Variants in NCOA6 observed in about 807,000 individuals in gnomAD.
NCOA6 encodes NRC RAP250.
Under a neutral mutation model 171.4 loss-of-function variants are expected in NCOA6, and 49 were observed. The observed-to-expected ratio is 0.29, with a 90% CI of 0.23 to 0.36. NCOA6 has a LOEUF of 0.36. NCOA6 is among the 10% of genes least tolerant of loss of function. NCOA6 has a pLI of 1.00. For missense variants in NCOA6, 2,248 were observed against 2,554.5 expected, an observed-to-expected ratio of 0.88 and a Z score of 2.59; for synonymous variants, 910 against 927.5, an observed-to-expected ratio of 0.98 and a Z score of 0.34.
At position 34,750,093 on chromosome 20, in the gene NCOA6, G is replaced by A. The variant is rs1343845151; in HGVS notation, c.2102C>T (p.Pro701Leu). 6.2e-7 allele frequency: 1 copy of A among 1,614,016 alleles called. No individual in the cohort carries two copies. Among genetic ancestry groups the A allele is most frequent in the African/African-American group, 1.3e-5 (1 of 74,908 alleles). Residue 701 changes from proline (P) to leucine (L), a missense_variant, in exon 9 of 15, where the codon CCT becomes CTT. Physicochemically the swap from Pro to Leu is moderately conservative, Grantham distance 98. This residue lies in a region of NCOA6 where 987 missense variants were observed against 1,104.7 expected (regional missense o/e 0.89). Coordinates refer to ENST00000359003, the MANE Select transcript of NCOA6 (RefSeq NM_014071.5). The part of the protein sequence containing the change: ...MMAPHNQMMG[P>L]QGQVLLQQNP... ...CTGTTGGAGCAAAACCTGCCCCTGA[G>A]GCCCCATCATCTGGTTATGTGGCGC...
At chr20:34,804,976 C>T (rs1295815838) in intron 1 of NCOA6, among the ~76,000 whole-genome samples, 1 of 151,806 alleles carries the variant, frequency 6.6e-6, no homozygotes, top group East Asian at 1.9e-4. Context: ...TAACCAGTCT[C>T]TTTTTATCCT....
intron 13 of NCOA6, among the ~76,000 whole-genome samples, chr20:34,731,019 T>TTTTTC (rs972527106): frequency 6.0e-5 from 9 of 149,286 alleles, no homozygotes; most frequent in African/African-American, 7.5e-5. Flanking sequence ...TCTAGACTCT[T>TTTTTC]TTTTCTTTTC....
At chr20:34,735,176 GA>G (rs1196673200) in intron 12 of NCOA6, among the ~76,000 whole-genome samples, 6 of 152,160 alleles carry the variant, frequency 3.9e-5, no homozygotes, top group African/African-American at 1.4e-4. Context: ...CTATTTTCTA[GA>G]GTAGGGTTGG....
rs1351117931 is a variant in NCOA6 at position 34,743,352 on chromosome 20, C to T, written c.2915-11G>A. On this transcript the variant is annotated splice_polypyrimidine_tract_variant and intron_variant, in intron 10 of 14. Coordinates refer to ENST00000359003, the MANE Select transcript of NCOA6 (RefSeq NM_014071.5). ...GTTGAGAAGGATAACCTAAAACAAG[C>T]CCCCCAAATTAGGGAAGTTAGATTT... 4 of 1,581,614 alleles carry T rather than the reference C, an allele frequency of 2.5e-6. No homozygotes were observed. The Admixed American group carries it at 7.1e-5, about 28-fold the overall frequency.
intron 14 of NCOA6, among the ~76,000 whole-genome samples, chr20:34,722,462 T>TA (rs1382665176): frequency 1.3e-4 from 19 of 151,792 alleles, no homozygotes; most frequent in African/African-American, 4.3e-4. Context: ...GGAGGATCAC[T>TA]TGAGGCTAGG....
chr20:34,729,428 AT>A (rs1177391153), intron 13 of NCOA6, among the ~76,000 whole-genome samples: 1 of 152,158 alleles, frequency 6.6e-6, no homozygotes, highest in African/African-American at 2.4e-5. Context: ...TTCTTTAATA[AT>A]TTTTTACACT....
rs2076120364 is a variant in NCOA6, at chr20:34,740,918, C to T, written c.5338G>A (p.Asp1780Asn). Residue 1780 changes from aspartate to asparagine, a missense_variant, in exon 11 of 15, where the codon GAT (aspartate) becomes AAT (asparagine). Physicochemically the swap from Asp to Asn is conservative, Grantham distance 23. Coordinates refer to ENST00000359003, the MANE Select transcript of NCOA6 (RefSeq NM_014071.5). ...TGTGAAGAGGGAAGAGTGTTCTGAT[C>T]TGCTGAGGTGTTCACCTGAGGGCTA... Reference protein sequence around the residue: ...EASPQVNTSADQNTLPSSQST... With the variant: ...EASPQVNTSANQNTLPSSQST... 1 of 1,614,152 alleles carries T rather than the reference C, an allele frequency of 6.2e-7. No individual in the cohort carries two copies.
chr20:34,748,221 T>C (rs1027634404), intron 9 of NCOA6, among the ~76,000 whole-genome samples: 1 of 152,096 alleles, frequency 6.6e-6, no homozygotes, highest in African/African-American at 2.4e-5. Flanking sequence ...ATTATTCCCA[T>C]AGGTTGATGC....
chr20:34,728,279 C>T (rs1990211229), intron 13 of NCOA6, among the ~76,000 whole-genome samples: 3 of 152,116 alleles, frequency 2.0e-5, no homozygotes, highest in Admixed American at 2.0e-4. Flanking sequence ...TGATTGTCCA[C>T]ACCCCAACCC....
intron 1 of NCOA6, among the ~76,000 whole-genome samples, chr20:34,804,359 G>A (rs941056806): frequency 6.6e-6 from 1 of 151,076 alleles, no homozygotes; most frequent in Non-Finnish European, 1.5e-5. Context: ...AAATAAATAA[G>A]CAAGCTGGGT....
Position 34,776,387 on chromosome 20 carries a change from G to A in NCOA6, c.297C>T (p.Asn99=), listed in dbSNP as rs757865066. The change falls in exon 4 of 15, where the codon AAC becomes AAT. Residue 99 remains asparagine, a synonymous_variant. Coordinates refer to ENST00000359003, the MANE Select transcript of NCOA6 (RefSeq NM_014071.5). ...EPWNSVRVTF[N]IPREAAERLR... ...GCCGCTCCGCTGCTTCCCGGGGGAT[G>A]TTGAATGTCACACGCACGCTGTTCC... 1.2e-6 allele frequency: 2 copies of A among 1,614,196 alleles called. No homozygotes were observed. The highest frequency in any genetic ancestry group is 1.7e-6 in the Non-Finnish European group (2 of 1,180,042).
At chr20:34,815,010 T>C (rs1364318993) in intron 1 of NCOA6, among the ~76,000 whole-genome samples, 1 of 152,212 alleles carries the variant, frequency 6.6e-6, no homozygotes, top group East Asian at 1.9e-4. Context: ...CTGAGGGCTA[T>C]TACTGACCAC....
At chr20:34,805,030 T>C (rs2078398198) in intron 1 of NCOA6, among the ~76,000 whole-genome samples, 1 of 151,570 alleles carries the variant, frequency 6.6e-6, no homozygotes, top group African/African-American at 2.4e-5. Context: ...TTCTACTCTC[T>C]ATTTCTTATA....
At chr20:34,764,937 A>C (rs2076931075) in intron 5 of NCOA6, among the ~76,000 whole-genome samples, 1 of 151,636 alleles carries the variant, frequency 6.6e-6, no homozygotes, top group African/African-American at 2.4e-5. Context: ...AACATGGTGA[A>C]ACCCCATCTC....
chr20:34,754,257 C>T (rs921585480), intron 8 of NCOA6, among the ~76,000 whole-genome samples: 2 of 152,156 alleles, frequency 1.3e-5, no homozygotes, highest in Admixed American at 6.5e-5. Context: ...TGCCTTTTTG[C>T]CTTTTACTAC....
At position 34,743,248 on chromosome 20, in the gene NCOA6, T is replaced by G; in HGVS notation, c.3008A>C (p.Gln1003Pro). ...CTGAGGCAGTTGTGGCTGTGGCTGC[T>G]GCTGTGGTGGCTGTGGTGGGGGTGC... ...HVAPPPQPPQ[Q>P]QPQPQLPQQQ... The change falls in exon 11 of 15, where the codon CAG (glutamine) becomes CCG (proline). Residue 1003 changes from glutamine to proline, a missense_variant. Coordinates refer to ENST00000359003, the MANE Select transcript of NCOA6 (RefSeq NM_014071.5). 1 of 1,614,028 alleles carries G rather than the reference T, an allele frequency of 6.2e-7. No homozygotes were observed. Among genetic ancestry groups the G allele is most frequent in the Non-Finnish European group, 8.5e-7 (1 of 1,179,982 alleles).
chr20:34,728,669 A>T (rs1387352874), intron 13 of NCOA6, among the ~76,000 whole-genome samples: 1 of 152,254 alleles, frequency 6.6e-6, no homozygotes, highest in Non-Finnish European at 1.5e-5. Flanking sequence ...ACAGAGCTCC[A>T]CACATAAGGA....
Position 34,754,670 on chromosome 20 carries a change from CT to C in NCOA6, c.1675+51del, listed in dbSNP as rs1325625500. 1.1e-5 allele frequency: 17 copies of C among 1,608,994 alleles called. No individual in the cohort carries two copies. In the East Asian group the frequency reaches 3.6e-4, roughly 34 times the overall value. On this transcript the variant is annotated intron_variant, in intron 8 of 14. Coordinates refer to ENST00000359003, the MANE Select transcript of NCOA6 (RefSeq NM_014071.5). ...TGTATACTCCTGTTGTCTATCAAGT[CT>C]ACGACACAATGCTCAATAAATGCTG...
intron 9 of NCOA6, among the ~76,000 whole-genome samples, chr20:34,748,688 A>G (rs901957839): frequency 2.0e-5 from 3 of 152,342 alleles, no homozygotes; most frequent in South Asian, 2.1e-4. Context: ...TGATCTTGCA[A>G]AATAACTCAC....
Sources: gnomAD v4.1 joint callset for allele counts (sites outside exome capture counted in the v4.1 genomes callset) on GRCh38, gnomAD v4.1.1 for gene constraint, gnomAD v4.1.1 regional missense constraint, MANE v1.5 for transcripts, NCBI Gene and HGNC (gene_info 2026-07-23, HGNC 2026-07-21) for gene names.